The following AGBL4 variants were observed in gnomAD, a reference collection of about 807,000 sequenced individuals.
AGBL4 encodes the protein cytosolic carboxypeptidase 6.
Under a neutral mutation model 66.4 loss-of-function variants are expected in AGBL4, and 58 were observed. That is an observed-to-expected ratio of 0.87 (90% CI 0.71 to 1.09). AGBL4 has a LOEUF of 1.09. AGBL4 is among the 50% of genes least tolerant of loss of function. The probability of loss-of-function intolerance (pLI) is 0.00; values close to 1 mark genes in which losing one functional copy is unlikely to be tolerated. For synonymous variants in AGBL4, 234 were observed against 222.9 expected (o/e 1.05, Z -0.44); for missense variants, 579 against 631.0 (o/e 0.92, Z 0.88).
At chr1:49,764,910 G>C (rs1652625233) in intron 2 of AGBL4, among the ~76,000 whole-genome samples, 1 of 152,110 alleles carries the variant, frequency 6.6e-6, no homozygotes, top group Non-Finnish European at 1.5e-5. Flanking sequence ...ATCTGAACTA[G>C]GAGTCAGAGC....
intron 2 of AGBL4, among the ~76,000 whole-genome samples, chr1:49,707,786 G>A (rs1183984305): frequency 6.6e-6 from 1 of 152,042 alleles, no homozygotes; most frequent in Non-Finnish European, 1.5e-5. Flanking sequence ...TGTCCATAAA[G>A]GATTTTATTT....
intron 2 of AGBL4, among the ~76,000 whole-genome samples, chr1:49,832,937 G>T (rs1317628520): frequency 6.6e-6 from 1 of 152,006 alleles, no homozygotes; most frequent in African/African-American, 2.4e-5. Flanking sequence ...CTCCCATGTT[G>T]TAGGTTGCCT....
At chr1:50,014,852 A>G (rs1258070670) in intron 1 of AGBL4, among the ~76,000 whole-genome samples, 1 of 152,048 alleles carries the variant, frequency 6.6e-6, no homozygotes, top group Non-Finnish European at 1.5e-5. Context: ...GAGCTTCAGG[A>G]TTTCATACCT....
chr1:49,887,880 T>C (rs1206393637), intron 1 of AGBL4, among the ~76,000 whole-genome samples: 1 of 152,074 alleles, frequency 6.6e-6, no homozygotes, highest in African/African-American at 2.4e-5. Flanking sequence ...TAAGTGAATA[T>C]AAGAGAAAAG....
intron 4 of AGBL4, among the ~76,000 whole-genome samples, chr1:49,134,999 T>C (rs894875752): frequency 5.9e-5 from 9 of 151,990 alleles, no homozygotes; most frequent in African/African-American, 1.9e-4. Flanking sequence ...TACGTATACA[T>C]ATATAGTATA....
intron 3 of AGBL4, among the ~76,000 whole-genome samples, chr1:49,322,440 A>G (rs1024495205): frequency 2.0e-5 from 3 of 152,240 alleles, no homozygotes; most frequent in African/African-American, 7.2e-5. Flanking sequence ...ACAGTCGTCC[A>G]AAATTTATGT....
rs943786100 is a variant in AGBL4 at position 49,546,778 on chromosome 1, A to G, written c.282+150535T>C. On this transcript the variant is annotated intron_variant, in intron 3 of 13. Coordinates refer to ENST00000371839, the MANE Select transcript of AGBL4 (RefSeq NM_032785.4). ...CATTAGTCATATTGTGCATTGTTTC[A>G]TATGCTTATTAGCCATTTGTATATC... Among the ~76,000 whole-genome samples, 3 of 152,228 alleles carry G rather than the reference A, an allele frequency of 2.0e-5. No homozygotes were observed. In the South Asian group the frequency reaches 6.2e-4, roughly 32 times the overall value.
chr1:48,862,576 C>A (rs1395141198), intron 6 of AGBL4, among the ~76,000 whole-genome samples: 1 of 152,194 alleles, frequency 6.6e-6, no homozygotes, highest in East Asian at 1.9e-4. Flanking sequence ...CTGCCTCAGC[C>A]TCCCAGTGTG....
chr1:48,836,198 T>A (rs1264514866), intron 6 of AGBL4, among the ~76,000 whole-genome samples: 1 of 151,632 alleles, frequency 6.6e-6, no homozygotes, highest in South Asian at 2.1e-4. Flanking sequence ...CCCAGATATG[T>A]CTTGGTTCTG....
intron 5 of AGBL4, among the ~76,000 whole-genome samples, chr1:48,961,664 A>T (rs1657991934): frequency 6.6e-6 from 1 of 152,196 alleles, no homozygotes; most frequent in Admixed American, 6.5e-5. Flanking sequence ...AAAGGAATTC[A>T]CATTGGGAAG....
intron 3 of AGBL4, among the ~76,000 whole-genome samples, chr1:49,539,132 G>A (rs1651820683): frequency 6.6e-6 from 1 of 151,832 alleles, no homozygotes; most frequent in Admixed American, 6.6e-5. Flanking sequence ...TTATTGATAT[G>A]GAAATATATT....
intron 3 of AGBL4, among the ~76,000 whole-genome samples, chr1:49,266,959 T>C (rs572634586): frequency 5.9e-5 from 9 of 152,336 alleles, no homozygotes; most frequent in African/African-American, 1.9e-4. Context: ...CCAGGGTTTA[T>C]ACTGGTCTCT....
chr1:48,909,007 T>A (rs1246469605), intron 5 of AGBL4, among the ~76,000 whole-genome samples: 1 of 152,172 alleles, frequency 6.6e-6, no homozygotes, highest in East Asian at 1.9e-4. Context: ...TTTGGTTAGC[T>A]TTTAAATGAT....
At chr1:49,678,433 T>C (rs1335888953) in intron 3 of AGBL4, among the ~76,000 whole-genome samples, 1 of 152,186 alleles carries the variant, frequency 6.6e-6, no homozygotes, top group Non-Finnish European at 1.5e-5. Flanking sequence ...ATTGATTTTC[T>C]CTACTGCTTT....
At chr1:49,835,887 T>C (rs1350551882) in intron 2 of AGBL4, among the ~76,000 whole-genome samples, 1 of 152,232 alleles carries the variant, frequency 6.6e-6, no homozygotes, top group East Asian at 1.9e-4. Context: ...TTTAAGAATG[T>C]TGAATATTGG....
chr1:49,731,360 G>A (rs1442503692), intron 2 of AGBL4, among the ~76,000 whole-genome samples: 2 of 152,170 alleles, frequency 1.3e-5, no homozygotes, highest in African/African-American at 2.4e-5. Context: ...AATCCTGACT[G>A]ATATAGTGAG....
chr1:49,483,706 C>T lies in AGBL4; in HGVS notation c.282+213607G>A, dbSNP rs565246087. On this transcript the variant is annotated intron_variant, in intron 3 of 13. Transcript: ENST00000371839. ...AACTGGGCAAAGGTTTCTTGAGTAA[C>T]GCTCCGCAAGCACAGGCAACCAAAG... is the stretch of plus-strand genomic sequence containing the variant. Among the ~76,000 whole-genome samples the T allele has an allele frequency of 9.6e-4, 145 of 151,820 alleles. 1 individual carries two copies. The highest frequency in any genetic ancestry group is 5.4e-3 in the Admixed American group (82 of 15,224).
chr1:48,663,675 A>G (rs1318905208), intron 6 of AGBL4, among the ~76,000 whole-genome samples: 1 of 152,200 alleles, frequency 6.6e-6, no homozygotes, highest in East Asian at 1.9e-4. Context: ...AGGCTTACAC[A>G]TTGCATAGTA....
Position 48,932,470 on chromosome 1 carries a change from C to A in AGBL4, c.595-65240G>T, listed in dbSNP as rs570190466. Among the ~76,000 whole-genome samples the A allele has an allele frequency of 1.2e-4, 18 of 152,146 alleles. No homozygotes were observed. In the South Asian group the frequency reaches 1.7e-3, roughly 14 times the overall value. On this transcript the variant is annotated intron_variant, in intron 5 of 13. Coordinates refer to ENST00000371839, the MANE Select transcript of AGBL4 (RefSeq NM_032785.4). ...GATCATATTTTTGGCTGTCAAAAGA[C>A]CAGAGATGCTCTTTTAATGGTATAA... is the stretch of plus-strand genomic sequence containing the variant.
Sources: gnomAD v4.1 joint callset for allele counts (sites outside exome capture counted in the v4.1 genomes callset) on GRCh38, gnomAD v4.1.1 for gene constraint, MANE v1.5 for transcripts, NCBI Gene and HGNC (gene_info 2026-07-23, HGNC 2026-07-21) for gene names.